FRRS1L: variants seen among roughly 807,000 people sequenced by gnomAD.
FRRS1L encodes DOMON domain-containing protein FRRS1L.
FRRS1L carries 22 observed loss-of-function variants against 28.6 expected under a neutral mutation model. The observed-to-expected ratio is 0.77, with a 90% CI of 0.55 to 1.10. The LOEUF is 1.10. Ranked by LOEUF, FRRS1L falls within the 50% of genes least tolerant of loss-of-function variation. The pLI is 0.00. For synonymous variants in FRRS1L, 158 were observed against 151.4 expected (o/e 1.04, Z -0.32); for missense variants, 380 against 386.9 (o/e 0.98, Z 0.15).
intron 3 of FRRS1L, among the ~76,000 whole-genome samples, chr9:109,143,897 A>G (rs1381421721): frequency 6.6e-6 from 1 of 152,120 alleles, no homozygotes; most frequent in African/African-American, 2.4e-5. Flanking sequence ...AAAAAAATTA[A>G]TCTGTGCTTT....
intron 2 of FRRS1L, 22 bp downstream of exon 2, chr9:109,149,614 T>C (rs1318676763): frequency 1.3e-6 from 2 of 1,534,586 alleles, no homozygotes; most frequent in East Asian, 4.5e-5. Context: ...CTTAAAGTTA[T>C]CCAACCTGCA....
Position 109,166,957 on chromosome 9 carries a change from G to A in FRRS1L, c.182C>T (p.Ser61Phe), listed in dbSNP as rs1332879811. ...GADEAVPRHD[S>F]SYGTFAGEFY... is the part of the protein sequence containing the mutation. ...CTCCCCCGCGAAGGTGCCGTAGGAG[G>A]AGTCGTGGCGCGGCACCGCCTCGTC... The change falls in exon 1 of 5, where the codon TCC becomes TTC. Residue 61 changes from serine to phenylalanine, a missense_variant. By Grantham distance (155) the Ser-to-Phe change is radical (BLOSUM62 -2). Transcript: ENST00000561981. 1.5e-6 allele frequency: 2 copies of A among 1,350,252 alleles called. No homozygotes were observed. The highest frequency in any genetic ancestry group is 1.5e-5 in the African/African-American group (1 of 66,636). The allele number at this position is 1,350,252 out of a possible 1,614,324, so 83.6% of individuals were successfully genotyped here. A position where few individuals can be genotyped will look rare whatever the true frequency, so the allele number is the denominator to read the frequency against.
Position 109,147,208 on chromosome 9 carries a change from G to A in FRRS1L, c.324-19C>T, listed in dbSNP as rs1831274918. 2 of 1,603,762 alleles carry A rather than the reference G, an allele frequency of 1.2e-6. No individual in the cohort carries two copies. The highest frequency in any genetic ancestry group is 1.3e-5 in the African/African-American group (1 of 74,714). Reference sequence around the variant, plus strand: ...GCCATATCTAGAAGAGATATCGAAAGAGACTTTACTGCTTCTACTTACACA... The same window carrying A: ...GCCATATCTAGAAGAGATATCGAAAAAGACTTTACTGCTTCTACTTACACA... On this transcript the variant is annotated intron_variant, in intron 2 of 4. Transcript: ENST00000561981.
At chr9:109,159,094 G>T (rs1831447765) in intron 1 of FRRS1L, among the ~76,000 whole-genome samples, 1 of 152,138 alleles carries the variant, frequency 6.6e-6, no homozygotes, top group South Asian at 2.1e-4. Context: ...TCATGAGCTT[G>T]TTGGCAATTT....
intron 1 of FRRS1L, among the ~76,000 whole-genome samples, chr9:109,162,493 A>C (rs1831491121): frequency 6.6e-6 from 1 of 152,240 alleles, no homozygotes; most frequent in Non-Finnish European, 1.5e-5. Context: ...TAAAATAGTC[A>C]AACTTTCTGT....
At position 109,133,402 on chromosome 9, in the gene FRRS1L, C is replaced by T. The variant is rs1273311765; in HGVS notation, c.*4053G>A. ...CCTCTAAATATAACTATAAAAAGTCCTCCAATTAATTGTAAATTACTAAAT... is the reference window on the plus strand; with the variant it reads ...CCTCTAAATATAACTATAAAAAGTCTTCCAATTAATTGTAAATTACTAAAT... On this transcript the variant is annotated 3_prime_UTR_variant, in exon 5 of 5. Coordinates refer to ENST00000561981, the MANE Select transcript of FRRS1L (RefSeq NM_014334.4). 6.6e-6 allele frequency: 1 copy of T among 152,120 alleles called. No individual in the cohort carries two copies. The highest frequency in any genetic ancestry group is 1.5e-5 in the Non-Finnish European group (1 of 68,028). 9.4% of individuals were successfully genotyped at this position (152,120 alleles called of 1,614,324 possible).
At chr9:109,141,281 A>G in intron 4 of FRRS1L, 62 bp downstream of exon 4, 1 of 1,587,514 alleles carries the variant, frequency 6.3e-7, no homozygotes, top group Admixed American at 1.7e-5. Flanking sequence ...GACTTCAATT[A>G]ACAATGAACA....
intron 1 of FRRS1L, among the ~76,000 whole-genome samples, chr9:109,158,595 G>T (rs1281878655): frequency 6.6e-6 from 1 of 152,112 alleles, no homozygotes; most frequent in Non-Finnish European, 1.5e-5. Context: ...ACAACATGTG[G>T]TCTTTTGTGT....
Position 109,167,008 on chromosome 9 carries a change from C to T in FRRS1L, c.131G>A (p.Gly44Glu), listed in dbSNP as rs1486045359. 8.9e-6 allele frequency: 11 copies of T among 1,230,648 alleles called. No individual in the cohort carries two copies. The highest frequency in any genetic ancestry group is 1.1e-5 in the Non-Finnish European group (11 of 986,894). 76.2% of individuals were successfully genotyped at this position (1,230,648 alleles called of 1,614,324 possible). ...GAGPGGRGPR[G>E]RARGDTGADE... ...GGCGCCCGTGTCCCCCCGCGCGCGT[C>T]CCCGGGGTCCCCGGCCCCCCGGGCC... The change falls in exon 1 of 5, where the codon GGA (glycine) becomes GAA (glutamate). Residue 44 changes from glycine to glutamate, a missense_variant. Transcript: ENST00000561981.
intron 2 of FRRS1L, among the ~76,000 whole-genome samples, chr9:109,149,162 A>G (rs555190021): frequency 6.6e-6 from 1 of 152,348 alleles, no homozygotes; most frequent in African/African-American, 2.4e-5. Flanking sequence ...ACTAATAATC[A>G]TGTAGAGACT....
At chr9:109,165,320 C>T (rs1405503575) in intron 1 of FRRS1L, among the ~76,000 whole-genome samples, 2 of 152,228 alleles carry the variant, frequency 1.3e-5, no homozygotes, top group Non-Finnish European at 2.9e-5. Context: ...AAGGTAACTA[C>T]TTGCCCTGAA....
chr9:109,147,317 A>G (rs1018557957), intron 2 of FRRS1L, 128 bp from the exon 3 acceptor site: 12 of 778,680 alleles, frequency 1.5e-5, no homozygotes, highest in East Asian at 5.1e-5. Context: ...GCTACCTGGA[A>G]TCTTAAAAAC....
chr9:109,153,771 C>T (rs1831367630), intron 1 of FRRS1L, among the ~76,000 whole-genome samples: 2 of 151,992 alleles, frequency 1.3e-5, no homozygotes, highest in East Asian at 1.9e-4. Flanking sequence ...GTACACCAGT[C>T]GGGAGTTGAT....
chr9:109,152,128 G>A (rs1399295132), intron 1 of FRRS1L: 1 of 151,820 alleles, frequency 6.6e-6, no homozygotes, highest in South Asian at 2.1e-4. Context: ...ATAAATACCA[G>A]TTACTATTAC....
At chr9:109,162,317 A>G (rs1422148732) in intron 1 of FRRS1L, among the ~76,000 whole-genome samples, 2 of 152,196 alleles carry the variant, frequency 1.3e-5, no homozygotes, top group Admixed American at 1.3e-4. Context: ...TTCTGTCTCA[A>G]AAACAAAAAC....
rs907869687 is a variant in FRRS1L, at chr9:109,137,562, A to T, written c.775T>A (p.Tyr259Asn). The change falls in exon 5 of 5, where the codon TAT becomes AAT. Residue 259 changes from tyrosine to asparagine, a missense_variant. Transcript: ENST00000561981. ...GCTGATGGCATAAAAATGTCTTCATACTTGTAAATACTGACAACACGCTCT... is the reference window on the plus strand; with the variant it reads ...GCTGATGGCATAAAAATGTCTTCATTCTTGTAAATACTGACAACACGCTCT... ...ASERVVSIYK[Y>N]EDIFMPSAAY... 1 of 1,613,016 alleles carries T rather than the reference A, an allele frequency of 6.2e-7. No homozygotes were observed. The highest frequency in any genetic ancestry group is 8.5e-7 in the Non-Finnish European group (1 of 1,179,198).
intron 1 of FRRS1L, among the ~76,000 whole-genome samples, chr9:109,152,390 C>G (rs75544019): frequency 6.6e-6 from 1 of 152,024 alleles, no homozygotes; most frequent in Admixed American, 6.5e-5. Context: ...CCTCGTGATC[C>G]GCCTGCCTCA....
intron 4 of FRRS1L, chr9:109,138,761 T>G (rs554432877): frequency 1.3e-5 from 2 of 152,462 alleles, no homozygotes; most frequent in South Asian, 4.1e-4. Context: ...ACTGGTCACC[T>G]GCAAGGGCTG....
intron 3 of FRRS1L, among the ~76,000 whole-genome samples, chr9:109,143,369 ATCCTGTGCAGGATGTTG>A (rs1450646403): frequency 6.6e-6 from 1 of 152,168 alleles, no homozygotes; most frequent in Non-Finnish European, 1.5e-5. Flanking sequence ...TGCATGTACC[ATCCTGTGCAGGATGTTG>A]ATAATGGGGG....
Sources: allele counts gnomAD v4.1 joint callset (sites outside exome capture counted in the v4.1 genomes callset), GRCh38; gene constraint gnomAD v4.1.1; transcripts MANE v1.5; gene names NCBI Gene and HGNC (gene_info 2026-07-23, HGNC 2026-07-21).